Variants in GLCE observed in about 807,000 individuals in gnomAD.
GLCE encodes the protein D-glucuronyl C5-epimerase.
Under a neutral mutation model 47.9 loss-of-function variants are expected in GLCE, and 19 were observed. The observed-to-expected ratio is 0.40, with a 90% CI of 0.28 to 0.58. The LOEUF is 0.58. GLCE is among the 20% of genes least tolerant of loss of function. The probability of loss-of-function intolerance (pLI) is 0.48; values close to 1 mark genes in which losing one functional copy is unlikely to be tolerated. For missense variants in GLCE, 556 were observed against 743.3 expected (o/e 0.75, Z 2.93); for synonymous variants, 245 against 263.4 (o/e 0.93, Z 0.68).
chr15:69,237,481 C>A (rs970133329), intron 2 of GLCE, among the ~76,000 whole-genome samples: 1 of 151,936 alleles, frequency 6.6e-6, no homozygotes, highest in African/African-American at 2.4e-5. Flanking sequence ...ACCTGTAATC[C>A]CAGCTACTTG....
intron 1 of GLCE, among the ~76,000 whole-genome samples, chr15:69,199,878 C>T (rs2052051412): frequency 6.6e-6 from 1 of 152,172 alleles, no homozygotes; most frequent in Non-Finnish European, 1.5e-5. Context: ...GGAACCTCTA[C>T]TCCAAAAAGA....
intron 2 of GLCE, among the ~76,000 whole-genome samples, chr15:69,226,580 T>C (rs1347018595): frequency 6.6e-6 from 1 of 152,162 alleles, no homozygotes; most frequent in African/African-American, 2.4e-5. Context: ...TAGGAAAGCT[T>C]ATACTAAAAT....
chr15:69,199,154 C>G (rs2052040503), intron 1 of GLCE, among the ~76,000 whole-genome samples: 1 of 152,044 alleles, frequency 6.6e-6, no homozygotes, highest in African/African-American at 2.4e-5. Context: ...TTTCTTGTTT[C>G]CTTAATGATT....
At chr15:69,223,278 G>A (rs1330116236) in intron 2 of GLCE, among the ~76,000 whole-genome samples, 8 of 152,074 alleles carry the variant, frequency 5.3e-5, no homozygotes. Flanking sequence ...ATTTATCTAG[G>A]AATATCTTAA....
intron 2 of GLCE, among the ~76,000 whole-genome samples, chr15:69,234,363 A>T (rs77417320): frequency 3.3e-5 from 5 of 152,014 alleles, no homozygotes; most frequent in Admixed American, 3.3e-4. Context: ...GCCGCCCCAT[A>T]GAAGATGATT....
chr15:69,265,321 T>C (rs2053070371), intron 4 of GLCE, among the ~76,000 whole-genome samples: 1 of 152,176 alleles, frequency 6.6e-6, no homozygotes. Context: ...GTACCTCCAG[T>C]AGAGCTCAGA....
chr15:69,265,936 A>G (rs1253603825), intron 4 of GLCE, among the ~76,000 whole-genome samples: 2 of 152,258 alleles, frequency 1.3e-5, no homozygotes, highest in African/African-American at 2.4e-5. Flanking sequence ...TGAGTGGTTC[A>G]TAAGTCAGTT....
At chr15:69,186,785 A>T (rs1218039372) in intron 1 of GLCE, among the ~76,000 whole-genome samples, 1 of 152,208 alleles carries the variant, frequency 6.6e-6, no homozygotes, top group Non-Finnish European at 1.5e-5. Context: ...GGTATCAACT[A>T]GGTATTATAA....
At chr15:69,201,541 T>A (rs2052076560) in intron 1 of GLCE, among the ~76,000 whole-genome samples, 1 of 150,860 alleles carries the variant, frequency 6.6e-6, no homozygotes. Flanking sequence ...TATTCCATAT[T>A]TATGTAAGCT....
intron 1 of GLCE, among the ~76,000 whole-genome samples, chr15:69,174,032 A>C (rs1275028633): frequency 6.6e-6 from 1 of 150,562 alleles, no homozygotes; most frequent in Non-Finnish European, 1.5e-5. Context: ...TAATTTTTGT[A>C]TTTTTGTAGA....
intron 2 of GLCE, among the ~76,000 whole-genome samples, chr15:69,220,702 T>G (rs1227647622): frequency 6.6e-6 from 1 of 152,206 alleles, no homozygotes; most frequent in Non-Finnish European, 1.5e-5. Context: ...GATACATAAT[T>G]TGCAAATATT....
At chr15:69,259,742 G>A (rs1432914970) in intron 3 of GLCE, among the ~76,000 whole-genome samples, 1 of 152,172 alleles carries the variant, frequency 6.6e-6, no homozygotes, top group Non-Finnish European at 1.5e-5. Flanking sequence ...TAATGAAGTT[G>A]TATAAACCAC....
At chr15:69,236,391 G>T (rs1315773928) in intron 2 of GLCE, among the ~76,000 whole-genome samples, 1 of 152,158 alleles carries the variant, frequency 6.6e-6, no homozygotes, top group Non-Finnish European at 1.5e-5. Flanking sequence ...AGATGAATTT[G>T]TTGATTGCTT....
At chr15:69,226,047 GACACACAC>G (rs36218660) in intron 2 of GLCE, among the ~76,000 whole-genome samples, 20,373 of 59,516 alleles carry the variant, frequency 0.34, 1,446 homozygotes, top group East Asian at 0.43. Flanking sequence ...CGCATGCACA[GACACACAC>G]ACACACACAC....
intron 2 of GLCE, among the ~76,000 whole-genome samples, chr15:69,216,597 T>A (rs1169142244): frequency 6.6e-6 from 1 of 152,086 alleles, no homozygotes; most frequent in Non-Finnish European, 1.5e-5. Context: ...TTAGAATATG[T>A]GCGGGGATGC....
intron 1 of GLCE, among the ~76,000 whole-genome samples, chr15:69,176,024 A>C (rs1245255023): frequency 6.6e-6 from 1 of 152,068 alleles, no homozygotes; most frequent in African/African-American, 2.4e-5. Flanking sequence ...AACACTGTTC[A>C]CTTACTCATT....
chr15:69,174,556 G>A (rs149716595), intron 1 of GLCE, among the ~76,000 whole-genome samples: 47 of 152,290 alleles, frequency 3.1e-4, no homozygotes, highest in East Asian at 1.9e-4. Flanking sequence ...GTTGCATTGC[G>A]CTGAGATCGC....
chr15:69,245,909 A>G (rs1198483901), intron 2 of GLCE, among the ~76,000 whole-genome samples: 1 of 151,892 alleles, frequency 6.6e-6, no homozygotes, highest in East Asian at 1.9e-4. Context: ...TTATATTTTT[A>G]GTAGAGACAG....
At chr15:69,244,054 G>C (rs1336612779) in intron 2 of GLCE, among the ~76,000 whole-genome samples, 1 of 152,138 alleles carries the variant, frequency 6.6e-6, no homozygotes, top group East Asian at 1.9e-4. Flanking sequence ...CATTTTCAAA[G>C]CCTCACATTA....
Sources: allele counts gnomAD v4.1 joint callset (sites outside exome capture counted in the v4.1 genomes callset), GRCh38; gene constraint gnomAD v4.1.1; transcripts MANE v1.5; gene names NCBI Gene and HGNC (gene_info 2026-07-23, HGNC 2026-07-21).